Variants in CGNL1 observed in about 807,000 individuals in gnomAD.
CGNL1 encodes the protein cingulin like 1.
Under a neutral mutation model 141.2 loss-of-function variants are expected in CGNL1, and 132 were observed. The ratio of observed to expected loss-of-function variants is 0.93; its 90% confidence interval spans 0.81 to 1.08. The LOEUF (loss-of-function observed/expected upper bound fraction) is 1.08, where lower values mean the gene tolerates loss of function less well. Among genes scored for constraint, CGNL1 ranks in the 50% least tolerant of loss-of-function variants. CGNL1 has a pLI of 0.00. For synonymous variants in CGNL1, 690 were observed against 622.1 expected, an observed-to-expected ratio of 1.11 and a Z score of -1.63; for missense variants, 1,870 against 1,588.6, an observed-to-expected ratio of 1.18 and a Z score of -3.01.
rs1250698373 is a variant in CGNL1 at position 57,438,825 on chromosome 15, C to A, written c.826C>A (p.Leu276Ile). The A allele has an allele frequency of 6.2e-7, 1 of 1,614,202 alleles. No individual in the cohort carries two copies. The change falls in exon 2 of 19, where the codon CTT becomes ATT. Residue 276 changes from leucine to isoleucine, a missense_variant. By Grantham distance (5) the Leu-to-Ile change is conservative. Coordinates refer to ENST00000281282, the MANE Select transcript of CGNL1 (RefSeq NM_032866.5). Reference sequence around the variant, plus strand: ...AACCAAGAAAACCAGGCCAGATGTTCTTCCCTTCCGGCGACAGGATTCAGC... The same window carrying A: ...AACCAAGAAAACCAGGCCAGATGTTATTCCCTTCCGGCGACAGGATTCAGC... ...PETKKTRPDV[L>I]PFRRQDSAGP...
At chr15:57,442,327 C>T (rs377567094) in intron 3 of CGNL1, 46 bp from the exon 4 acceptor site, 4 of 1,190,290 alleles carry the variant, frequency 3.4e-6, no homozygotes, top group Non-Finnish European at 5.0e-6. Flanking sequence ...TGTTCTGAGA[C>T]CAGTGGTTGT....
intron 7 of CGNL1, among the ~76,000 whole-genome samples, chr15:57,457,695 T>G (rs753041826): frequency 6.6e-6 from 1 of 152,156 alleles, no homozygotes; most frequent in Non-Finnish European, 1.5e-5. Context: ...GGGTTTCCGC[T>G]TATAAAATCA....
chr15:57,415,628 G>C (rs573337039), intron 1 of CGNL1, among the ~76,000 whole-genome samples: 1 of 152,332 alleles, frequency 6.6e-6, no homozygotes, highest in African/African-American at 2.4e-5. Context: ...CCCTCTTGCA[G>C]TAATGAGCTC....
chr15:57,484,675 C>T (rs1004796408), intron 8 of CGNL1, among the ~76,000 whole-genome samples: 16 of 152,090 alleles, frequency 1.1e-4, no homozygotes, highest in Admixed American at 5.2e-4. Flanking sequence ...TTTTAAGCCC[C>T]GCATGCATTA....
chr15:57,461,769 C>A lies in CGNL1; in HGVS notation c.2280C>A (p.Leu760=), dbSNP rs779987940. 2.5e-6 allele frequency: 4 copies of A among 1,614,122 alleles called. No homozygotes were observed. The South Asian group carries it at 4.4e-5, about 18-fold the overall frequency. The change falls in exon 8 of 19, where the codon CTC becomes CTA. Residue 760 remains leucine, a synonymous_variant. Transcript: ENST00000281282. Reference sequence around the variant, plus strand: ...TCTTGAGAAAGCGAGAGCGTGAACTCACCGCCCTGAAGGGAGCCCTGAAAG... The same window carrying A: ...TCTTGAGAAAGCGAGAGCGTGAACTAACCGCCCTGAAGGGAGCCCTGAAAG... ...EDLLRKRERE[L]TALKGALKEE...
In CGNL1 at chr15:57,491,069, C is replaced by G. The variant is rs117244487; in HGVS notation, c.2404-25711C>G. Among the ~76,000 whole-genome samples the G allele has an allele frequency of 8.3e-3, 1,266 of 152,034 alleles. 7 individuals are homozygous for G. The highest frequency in any genetic ancestry group is 0.014 in the Admixed American group (213 of 15,266). On this transcript the variant is annotated intron_variant, in intron 8 of 18. Coordinates refer to ENST00000281282, the MANE Select transcript of CGNL1 (RefSeq NM_032866.5). ...TGTGATGGAGTATCCTGAGTGGGAT[C>G]AAGAGTCAGAAAAGGATGTTAGGTA...
intron 8 of CGNL1, among the ~76,000 whole-genome samples, chr15:57,489,653 T>C (rs2063831438): frequency 6.6e-6 from 1 of 152,204 alleles, no homozygotes; most frequent in Non-Finnish European, 1.5e-5. Context: ...CCATCACTGT[T>C]GGTTGAAGAG....
At chr15:57,442,951 A>G (rs1339620595) in intron 4 of CGNL1, among the ~76,000 whole-genome samples, 1 of 152,246 alleles carries the variant, frequency 6.6e-6, no homozygotes, top group Non-Finnish European at 1.5e-5. Flanking sequence ...AAGTTTAAAG[A>G]TATTTTATTT....
At chr15:57,387,906 G>A (rs1461229832) in intron 1 of CGNL1, among the ~76,000 whole-genome samples, 1 of 152,234 alleles carries the variant, frequency 6.6e-6, no homozygotes, top group Non-Finnish European at 1.5e-5. Flanking sequence ...TCAGAGATGG[G>A]GGCTGGGCAG....
chr15:57,542,818 T>C (rs997369587), intron 14 of CGNL1, among the ~76,000 whole-genome samples: 50 of 152,164 alleles, frequency 3.3e-4, no homozygotes, highest in African/African-American at 1.2e-3. Flanking sequence ...CAGTTCAGCA[T>C]GGAAACAGCC....
chr15:57,476,831 A>T (rs191795441), intron 8 of CGNL1, among the ~76,000 whole-genome samples: 192 of 152,354 alleles, frequency 1.3e-3, no homozygotes, highest in African/African-American at 4.3e-3. Context: ...CAGTTTTCAC[A>T]GTAATGAATA....
chr15:57,503,340 G>A (rs2064053619), intron 8 of CGNL1, among the ~76,000 whole-genome samples: 1 of 152,182 alleles, frequency 6.6e-6, no homozygotes, highest in Non-Finnish European at 1.5e-5. Context: ...GGTATCTTAG[G>A]GGTCAGGCTG....
At chr15:57,540,589 C>G (rs1489224026) in intron 14 of CGNL1, among the ~76,000 whole-genome samples, 1 of 152,182 alleles carries the variant, frequency 6.6e-6, no homozygotes, top group Non-Finnish European at 1.5e-5. Flanking sequence ...TCTACCCTGT[C>G]TATCCCTGAT....
At chr15:57,462,852 C>T (rs1324673891) in intron 8 of CGNL1, among the ~76,000 whole-genome samples, 1 of 152,118 alleles carries the variant, frequency 6.6e-6, no homozygotes, top group Non-Finnish European at 1.5e-5. Context: ...TTTTAAAAGC[C>T]TCTTGTTGAT....
intron 1 of CGNL1, among the ~76,000 whole-genome samples, chr15:57,427,344 C>T (rs1218677395): frequency 6.6e-6 from 1 of 152,114 alleles, no homozygotes; most frequent in Non-Finnish European, 1.5e-5. Context: ...CTATACAATA[C>T]AGAGTAGGTT....
chr15:57,444,412 A>G (rs2063227190), intron 4 of CGNL1, among the ~76,000 whole-genome samples: 1 of 152,144 alleles, frequency 6.6e-6, no homozygotes, highest in South Asian at 2.1e-4. Flanking sequence ...AGGGGAGTAA[A>G]CACATTCACT....
chr15:57,460,859 G>T (rs1166259697), intron 7 of CGNL1, among the ~76,000 whole-genome samples: 1 of 152,172 alleles, frequency 6.6e-6, no homozygotes, highest in East Asian at 1.9e-4. Context: ...GAGCAGGCTG[G>T]CAGGGGACAG....
chr15:57,452,066 G>C (rs1287573442), intron 5 of CGNL1, 75 bp from the exon 6 acceptor site: 44 of 1,333,902 alleles, frequency 3.3e-5, no homozygotes, highest in Non-Finnish European at 4.4e-5. Flanking sequence ...GAGTCTGCTT[G>C]TTGAGAAGTA....
intron 1 of CGNL1, among the ~76,000 whole-genome samples, chr15:57,401,235 A>G (rs1236652421): frequency 6.6e-6 from 1 of 152,334 alleles, no homozygotes; most frequent in Non-Finnish European, 1.5e-5. Flanking sequence ...TATTTGGACT[A>G]TTATAAATAC....
Sources: gnomAD v4.1 joint callset for allele counts (sites outside exome capture counted in the v4.1 genomes callset) on GRCh38, gnomAD v4.1.1 for gene constraint, MANE v1.5 for transcripts, NCBI Gene and HGNC (gene_info 2026-07-23, HGNC 2026-07-21) for gene names.